The following CACNA2D1 variants were observed in gnomAD, a reference collection of about 807,000 sequenced individuals.
The protein encoded by CACNA2D1 is voltage-dependent calcium channel subunit alpha-2/delta-1.
CACNA2D1 carries 53 observed loss-of-function variants against 171.5 expected under a neutral mutation model. That is an observed-to-expected ratio of 0.31 (90% confidence interval 0.25 to 0.39). CACNA2D1 has a LOEUF of 0.39. CACNA2D1 is among the 10% of genes least tolerant of loss of function. The pLI is 1.00. For missense variants in CACNA2D1, 903 were observed against 1,299.8 expected (o/e 0.69, Z 4.69); for synonymous variants, 442 against 443.1 (o/e 1.00, Z 0.03).
intron 6 of CACNA2D1, among the ~76,000 whole-genome samples, chr7:82,109,120 GACA>G (rs758221533): frequency 3.9e-5 from 6 of 152,166 alleles, no homozygotes; most frequent in East Asian, 3.9e-4. Flanking sequence ...TCAGAACCAT[GACA>G]ACATTTTACT....
chr7:82,350,141 T>C (rs1323042765), intron 1 of CACNA2D1, among the ~76,000 whole-genome samples: 2 of 152,220 alleles, frequency 1.3e-5, no homozygotes, highest in African/African-American at 4.8e-5. Context: ...TGAAAGTATG[T>C]TATATAAAAT....
intron 3 of CACNA2D1, among the ~76,000 whole-genome samples, chr7:82,181,848 GTAAAA>G (rs1179570716): frequency 6.6e-6 from 1 of 152,030 alleles, no homozygotes; most frequent in Non-Finnish European, 1.5e-5. Context: ...TGTGAAAACA[GTAAAA>G]TAAAAAGGAA....
At chr7:82,149,864 G>GGA (rs1793607600) in intron 4 of CACNA2D1, among the ~76,000 whole-genome samples, 1 of 152,006 alleles carries the variant, frequency 6.6e-6, no homozygotes, top group Non-Finnish European at 1.5e-5. Flanking sequence ...AGCTGAGGCA[G>GGA]GAGAATGGCG....
chr7:82,325,404 T>C (rs1438539449), intron 3 of CACNA2D1, among the ~76,000 whole-genome samples: 1 of 152,172 alleles, frequency 6.6e-6, no homozygotes, highest in Non-Finnish European at 1.5e-5. Flanking sequence ...ATAAATGACG[T>C]TGCTGACTTT....
chr7:82,227,873 TCA>T (rs750774125), intron 3 of CACNA2D1, among the ~76,000 whole-genome samples: 3 of 152,288 alleles, frequency 2.0e-5, no homozygotes, highest in East Asian at 3.9e-4. Context: ...TTATATATCC[TCA>T]CCTCAATTTA....
chr7:82,164,080 C>T (rs942327276), intron 4 of CACNA2D1, among the ~76,000 whole-genome samples: 9 of 151,946 alleles, frequency 5.9e-5, no homozygotes, highest in East Asian at 5.8e-4. Context: ...AAGACTGAGG[C>T]GCCATGACTA....
At chr7:82,338,874 C>A (rs907249392) in intron 2 of CACNA2D1, among the ~76,000 whole-genome samples, 5 of 152,044 alleles carry the variant, frequency 3.3e-5, no homozygotes, top group African/African-American at 1.2e-4. Context: ...AGGCTCCGTG[C>A]AGGATCAAAG....
At chr7:82,067,769 T>G (rs1406578557) in intron 7 of CACNA2D1, among the ~76,000 whole-genome samples, 1 of 152,162 alleles carries the variant, frequency 6.6e-6, no homozygotes, top group Non-Finnish European at 1.5e-5. Context: ...GTAACAAGCA[T>G]GCTGATACAC....
intron 3 of CACNA2D1, among the ~76,000 whole-genome samples, chr7:82,279,795 C>T (rs529701772): frequency 1.3e-5 from 2 of 151,860 alleles, no homozygotes; most frequent in African/African-American, 2.4e-5. Context: ...GTATATATAC[C>T]GCTTATTATT....
At chr7:82,025,405 T>C (rs10275156) in intron 12 of CACNA2D1, among the ~76,000 whole-genome samples, 30,078 of 151,534 alleles carry the variant, frequency 0.2, 3,288 homozygotes, top group African/African-American at 0.3. Context: ...GTATTCTTTT[T>C]GGGTCTATTG....
intron 4 of CACNA2D1, among the ~76,000 whole-genome samples, chr7:82,146,415 T>A (rs1308351118): frequency 6.8e-6 from 1 of 146,136 alleles, no homozygotes; most frequent in African/African-American, 2.5e-5. Context: ...TATTTATATA[T>A]ATCTTTACAT....
At chr7:82,111,641 G>A (rs1468082688) in intron 6 of CACNA2D1, among the ~76,000 whole-genome samples, 8 of 151,236 alleles carry the variant, frequency 5.3e-5, no homozygotes, top group Admixed American at 5.3e-4. Context: ...GAGAGACAGA[G>A]TTTCACTATG....
At chr7:82,377,676 T>G (rs910706030) in intron 1 of CACNA2D1, among the ~76,000 whole-genome samples, 1 of 152,164 alleles carries the variant, frequency 6.6e-6, no homozygotes, top group Non-Finnish European at 1.5e-5. Flanking sequence ...GGACAGATCT[T>G]TTTCTTGCAC....
intron 8 of CACNA2D1, 83 bp downstream of exon 8, chr7:82,066,372 T>C: frequency 6.5e-7 from 1 of 1,537,494 alleles, no homozygotes; most frequent in Non-Finnish European, 8.9e-7. Flanking sequence ...ATACTCATCC[T>C]AATAATAAAA....
chr7:82,443,409 C>G lies in CACNA2D1; in HGVS notation c.51G>C (p.Leu17Phe), dbSNP rs749697373. 2 of 1,606,712 alleles carry G rather than the reference C, an allele frequency of 1.2e-6. No homozygotes were observed. The highest frequency in any genetic ancestry group is 1.7e-5 in the Admixed American group (1 of 59,386). Residue 17 changes from leucine (L) to phenylalanine (F), a missense_variant, in exon 1 of 39, where the codon TTG becomes TTC. Transcript: ENST00000356860. ...LALTLTLFQS[L>F]LIGPSSEEPF... ...GCTCCTCCGACGAGGGGCCGATGAG[C>G]AAAGATTGGAAAAGTGTCAGAGTCA...
chr7:81,952,088 G>A (rs968542570), intron 38 of CACNA2D1, among the ~76,000 whole-genome samples: 38 of 146,628 alleles, frequency 2.6e-4, no homozygotes, highest in African/African-American at 9.6e-4. Context: ...AATTAGTGAT[G>A]TTGAGCAATT....
In CACNA2D1 at chr7:82,007,715, G is replaced by T; in HGVS notation, c.1404C>A (p.Asn468Lys). The change falls in exon 16 of 39, where the codon AAC becomes AAA. Residue 468 changes from asparagine to lysine, a missense_variant. Transcript: ENST00000356860. ...TCTTATTTTCAAATTGGCCGGTTAT[G>T]TTGAAGACCGGAAGAGTTCCAGTAA... ...LVITGTLPVFNITGQFENKTN... is the reference protein window; with the variant it reads ...LVITGTLPVFKITGQFENKTN... 1 of 1,600,332 alleles carries T rather than the reference G, an allele frequency of 6.2e-7. No individual in the cohort carries two copies. The highest frequency in any genetic ancestry group is 8.6e-7 in the Non-Finnish European group (1 of 1,167,832).
intron 3 of CACNA2D1, among the ~76,000 whole-genome samples, chr7:82,328,233 C>A (rs1816884349): frequency 6.6e-6 from 1 of 152,186 alleles, no homozygotes; most frequent in Non-Finnish European, 1.5e-5. Flanking sequence ...ATAATTTATA[C>A]CCTCCAGATA....
intron 3 of CACNA2D1, among the ~76,000 whole-genome samples, chr7:82,229,928 T>C (rs1204219824): frequency 6.6e-6 from 1 of 152,182 alleles, no homozygotes; most frequent in Non-Finnish European, 1.5e-5. Context: ...TATTTATAAT[T>C]GCCACAAAAA....
Sources: gnomAD v4.1 joint callset for allele counts (sites outside exome capture counted in the v4.1 genomes callset) on GRCh38, gnomAD v4.1.1 for gene constraint, MANE v1.5 for transcripts, NCBI Gene and HGNC (gene_info 2026-07-23, HGNC 2026-07-21) for gene names.